The following ST6GALNAC3 variants were observed in gnomAD, a reference collection of about 807,000 sequenced individuals.
The protein encoded by ST6GALNAC3 is ST6 N-acetylgalactosaminide alpha-2,6-sialyltransferase 3.
Under a neutral mutation model 32.7 loss-of-function variants are expected in ST6GALNAC3, and 25 were observed. The ratio of observed to expected loss-of-function variants is 0.76; its 90% CI spans 0.56 to 1.07. The LOEUF (loss-of-function observed/expected upper bound fraction) is 1.07, where lower values mean the gene tolerates loss of function less well. Ranked by LOEUF, ST6GALNAC3 falls within the 50% of genes least tolerant of loss-of-function variation. The pLI is 0.00. For missense variants in ST6GALNAC3, 355 were observed against 382.4 expected (o/e 0.93, Z 0.60); for synonymous variants, 129 against 133.1 (o/e 0.97, Z 0.21).
intron 3 of ST6GALNAC3, among the ~76,000 whole-genome samples, chr1:76,612,914 T>G (rs1648029182): frequency 2.0e-5 from 3 of 152,242 alleles, no homozygotes. Context: ...AACTTTGTGC[T>G]GACGGAGAAC....
chr1:76,535,910 C>T (rs546518024), intron 3 of ST6GALNAC3, among the ~76,000 whole-genome samples: 17 of 152,100 alleles, frequency 1.1e-4, no homozygotes, highest in African/African-American at 4.1e-4. Context: ...TATAACTTAA[C>T]TATATTTGCT....
chr1:76,598,222 C>T (rs1647167890), intron 3 of ST6GALNAC3, among the ~76,000 whole-genome samples: 1 of 152,136 alleles, frequency 6.6e-6, no homozygotes, highest in East Asian at 1.9e-4. Flanking sequence ...CCAAAGGGCC[C>T]AGCTCCAAAC....
intron 3 of ST6GALNAC3, among the ~76,000 whole-genome samples, chr1:76,557,855 G>A (rs2100409351): frequency 6.6e-6 from 1 of 152,164 alleles, no homozygotes; most frequent in Admixed American, 6.5e-5. Flanking sequence ...GGGAATGTGT[G>A]GAGTCATTCC....
At chr1:76,290,952 C>T (rs1660048102) in intron 1 of ST6GALNAC3, among the ~76,000 whole-genome samples, 1 of 152,136 alleles carries the variant, frequency 6.6e-6, no homozygotes, top group African/African-American at 2.4e-5. Flanking sequence ...CAAAGCAGCA[C>T]CGTGTTATCT....
intron 1 of ST6GALNAC3, among the ~76,000 whole-genome samples, chr1:76,288,845 A>G (rs1282843751): frequency 6.6e-6 from 1 of 152,184 alleles, no homozygotes; most frequent in Non-Finnish European, 1.5e-5. Flanking sequence ...AGAGGCTGAA[A>G]AGATACCCAC....
At chr1:76,603,023 G>T (rs1647304769) in intron 3 of ST6GALNAC3, among the ~76,000 whole-genome samples, 1 of 152,122 alleles carries the variant, frequency 6.6e-6, no homozygotes, top group African/African-American at 2.4e-5. Flanking sequence ...CAAATTCAAA[G>T]CAAAATTAAA....
At chr1:76,185,708 G>C (rs1432775256) in intron 1 of ST6GALNAC3, among the ~76,000 whole-genome samples, 1 of 152,192 alleles carries the variant, frequency 6.6e-6, no homozygotes, top group Non-Finnish European at 1.5e-5. Flanking sequence ...TAGGGACACA[G>C]AGACGAACAG....
intron 2 of ST6GALNAC3, among the ~76,000 whole-genome samples, chr1:76,368,298 G>A (rs2101071645): frequency 6.6e-6 from 1 of 152,338 alleles, no homozygotes; most frequent in East Asian, 1.9e-4. Flanking sequence ...CCAGGCCATA[G>A]TTTGCTGATC....
At chr1:76,464,708 A>G (rs998936863) in intron 3 of ST6GALNAC3, among the ~76,000 whole-genome samples, 1 of 152,340 alleles carries the variant, frequency 6.6e-6, no homozygotes, top group Admixed American at 6.5e-5. Flanking sequence ...CAAGCATCCT[A>G]CTAGAATCTT....
chr1:76,273,272 T>G (rs971314489), intron 1 of ST6GALNAC3, among the ~76,000 whole-genome samples: 1 of 151,634 alleles, frequency 6.6e-6, no homozygotes, highest in South Asian at 2.1e-4. Flanking sequence ...AACCAATATT[T>G]ATATAGAGAA....
chr1:76,275,997 A>C (rs2100769082), intron 1 of ST6GALNAC3, among the ~76,000 whole-genome samples: 1 of 152,268 alleles, frequency 6.6e-6, no homozygotes, highest in African/African-American at 2.4e-5. Flanking sequence ...ATGAAGGGGA[A>C]ATAGCTAGCA....
chr1:76,212,463 T>G (rs1456176160), intron 1 of ST6GALNAC3, among the ~76,000 whole-genome samples: 1 of 152,140 alleles, frequency 6.6e-6, no homozygotes, highest in Non-Finnish European at 1.5e-5. Flanking sequence ...CAGCTTCCGT[T>G]TTTTTGATTG....
intron 1 of ST6GALNAC3, among the ~76,000 whole-genome samples, chr1:76,188,044 A>G (rs1429371930): frequency 6.6e-6 from 1 of 152,180 alleles, no homozygotes; most frequent in Non-Finnish European, 1.5e-5. Context: ...TGAACAGCCT[A>G]TGAATAGATA....
At chr1:76,455,917 G>A (rs1327637526) in intron 3 of ST6GALNAC3, among the ~76,000 whole-genome samples, 2 of 152,138 alleles carry the variant, frequency 1.3e-5, no homozygotes, top group Non-Finnish European at 2.9e-5. Flanking sequence ...TGGATGTGGT[G>A]GTTCACACCT....
At chr1:76,505,957 A>G (rs560780576) in intron 3 of ST6GALNAC3, among the ~76,000 whole-genome samples, 2 of 143,836 alleles carry the variant, frequency 1.4e-5, no homozygotes, top group East Asian at 3.9e-4. Flanking sequence ...ACTGCAGAGA[A>G]AAAAAAAGAT....
intron 1 of ST6GALNAC3, among the ~76,000 whole-genome samples, chr1:76,124,512 T>C (rs575820391): frequency 4.6e-5 from 7 of 152,276 alleles, no homozygotes; most frequent in East Asian, 1.9e-4. Context: ...ACCGACTGCA[T>C]ATTAAAAAGC....
intron 1 of ST6GALNAC3, among the ~76,000 whole-genome samples, chr1:76,156,253 G>T (rs796913023): frequency 2.0e-5 from 3 of 152,124 alleles, no homozygotes; most frequent in Admixed American, 1.3e-4. Flanking sequence ...TCGCTGAGAC[G>T]GTGTTTGTCA....
intron 3 of ST6GALNAC3, among the ~76,000 whole-genome samples, chr1:76,585,223 A>G (rs1027880393): frequency 3.3e-5 from 5 of 151,978 alleles, no homozygotes; most frequent in Admixed American, 1.3e-4. Flanking sequence ...CATCTCTACT[A>G]AGAAAACAAA....
Position 76,412,147 on chromosome 1 carries a change from A to T in ST6GALNAC3, c.353A>T (p.Asp118Val). The change falls in exon 3 of 5, where the codon GAT becomes GTT. Residue 118 changes from aspartate (D) to valine (V), a missense_variant. Asp to Val is a radical substitution (Grantham distance 152, BLOSUM62 -3). Coordinates refer to ENST00000328299, the MANE Select transcript of ST6GALNAC3 (RefSeq NM_152996.4). ...NNAPTKGYEE[D>V]VGRMTMIRVV... The stretch of plus-strand genomic sequence containing the variant: ...GCCCCCACCAAAGGTTATGAAGAAG[A>T]TGTCGGCCGCATGACCATGATTCGA... 6.2e-7 allele frequency: 1 copy of T among 1,613,774 alleles called. No homozygotes were observed. The highest frequency in any genetic ancestry group is 8.5e-7 in the Non-Finnish European group (1 of 1,179,830).
Sources: allele counts gnomAD v4.1 joint callset (sites outside exome capture counted in the v4.1 genomes callset), GRCh38; gene constraint gnomAD v4.1.1; transcripts MANE v1.5; gene names NCBI Gene and HGNC (gene_info 2026-07-23, HGNC 2026-07-21).